COX7A2L: variants seen among roughly 807,000 people sequenced by gnomAD.
The protein encoded by COX7A2L is cytochrome c oxidase subunit 7A2-like, mitochondrial.
Under a neutral mutation model 14.2 loss-of-function variants are expected in COX7A2L, and 18 were observed. The ratio of observed to expected loss-of-function variants is 1.27; its 90% CI spans 0.88 to 1.88. The LOEUF (loss-of-function observed/expected upper bound fraction) is 1.88. COX7A2L is among the 40% of genes most tolerant of loss of function. The pLI is 0.00. For missense variants in COX7A2L, 179 were observed against 138.8 expected (o/e 1.29, Z -1.46); for synonymous variants, 65 against 57.4 (o/e 1.13, Z -0.60).
chr2:42,360,817 T>G, intron 1 of COX7A2L: 1 of 486,726 alleles, frequency 2.1e-6, no homozygotes, highest in Non-Finnish European at 3.7e-6. Context: ...ACCATCCCTT[T>G]TAGACAAGTG....
upstream of COX7A2L, among the ~76,000 whole-genome samples, chr2:42,365,268 T>C (rs1367403651): frequency 6.6e-6 from 1 of 152,186 alleles, no homozygotes; most frequent in Non-Finnish European, 1.5e-5. Context: ...CTCACATACA[T>C]CTGCAGTGTT....
At chr2:42,343,659 A>T (rs113037403) in intron 2 of COX7A2L, among the ~76,000 whole-genome samples, 2,769 of 152,336 alleles carry the variant, frequency 0.018, 46 homozygotes, top group Middle Eastern at 0.071. Context: ...AGAATTTCTC[A>T]GCAACCAATT....
intron 1 of COX7A2L, among the ~76,000 whole-genome samples, chr2:42,356,067 T>C (rs1054655577): frequency 1.3e-5 from 2 of 152,108 alleles, no homozygotes; most frequent in East Asian, 3.9e-4. Flanking sequence ...TCTTGCTTTG[T>C]CACTCAGGCT....
upstream of COX7A2L, among the ~76,000 whole-genome samples, chr2:42,362,715 T>C (rs748888510): frequency 2.2e-4 from 34 of 152,262 alleles, no homozygotes; most frequent in South Asian, 4.1e-4. Flanking sequence ...GCACCGCCAA[T>C]ATGTTGTAAA....
chr2:42,352,938 T>C, intron 2 of COX7A2L: 2 of 494,340 alleles, frequency 4.0e-6, no homozygotes, highest in Non-Finnish European at 7.0e-6. Flanking sequence ...CTATTGCTTC[T>C]TCCATGCAAT....
chr2:42,358,934 C>A (rs1006032452), intron 1 of COX7A2L, among the ~76,000 whole-genome samples: 1 of 152,106 alleles, frequency 6.6e-6, no homozygotes, highest in South Asian at 2.1e-4. Flanking sequence ...AGTTCGAGAT[C>A]AGGCTGTGCA....
intron 2 of COX7A2L, among the ~76,000 whole-genome samples, chr2:42,343,404 G>A (rs532438966): frequency 5.9e-5 from 9 of 152,260 alleles, no homozygotes; most frequent in South Asian, 2.1e-4. Context: ...GTGCTTCTGC[G>A]CACTAATTAA....
rs1302038913 is a variant in COX7A2L, at chr2:42,351,048, G to A, written c.*171C>T. The A allele has an allele frequency of 3.0e-6, 2 of 665,660 alleles. No individual in the cohort carries two copies. The highest frequency in any genetic ancestry group is 5.9e-5 in the East Asian group (2 of 34,186). 41.2% of individuals were successfully genotyped at this position (665,660 alleles called of 1,614,324 possible). A position where few individuals can be genotyped will look rare whatever the true frequency, so the allele number is the denominator to read the frequency against. The stretch of plus-strand genomic sequence containing the variant: ...TGGCTTTAACTGTCGAATGAGCTCT[G>A]ACAAGCCATATGCATTTCATAAACA... On this transcript the variant is annotated 3_prime_UTR_variant, in exon 3 of 3. Coordinates refer to ENST00000234301, the MANE Select transcript of COX7A2L (RefSeq NM_004718.4).
rs563282755 is a variant in COX7A2L, at chr2:42,351,436, T to A, written c.205-77A>T. 3.9e-6 allele frequency: 6 copies of A among 1,538,572 alleles called. No individual in the cohort carries two copies. The South Asian group carries it at 7.2e-5, about 19-fold the overall frequency. On this transcript the variant is annotated intron_variant, in intron 2 of 2. Coordinates refer to ENST00000234301, the MANE Select transcript of COX7A2L (RefSeq NM_004718.4). Reference sequence around the variant, plus strand: ...ATTTTACTCTTAAAAAATAACAAATTTGTCTACTCGGTAAGTAATTCATCA... The same window carrying A: ...ATTTTACTCTTAAAAAATAACAAATATGTCTACTCGGTAAGTAATTCATCA...
chr2:42,368,868 C>T (rs1671217327), exon 1 of COX7A2L: 1 of 152,208 alleles, frequency 6.6e-6, no homozygotes, highest in African/African-American at 2.4e-5. Flanking sequence ...TTAGACTTAC[C>T]AAGTCAATAA....
intron 2 of COX7A2L, among the ~76,000 whole-genome samples, chr2:42,336,455 C>T (rs923833935): frequency 1.3e-5 from 2 of 151,806 alleles, no homozygotes; most frequent in Non-Finnish European, 2.9e-5. Flanking sequence ...AGTGAGTGCC[C>T]GAAGAAAGGG....
chr2:42,346,534 T>G (rs1283608468), downstream of COX7A2L, among the ~76,000 whole-genome samples: 1 of 152,136 alleles, frequency 6.6e-6, no homozygotes, highest in East Asian at 1.9e-4. Context: ...TCCCAACACT[T>G]TGGGAGGCTA....
upstream of COX7A2L, among the ~76,000 whole-genome samples, chr2:42,364,812 G>A (rs1443925748): frequency 6.6e-6 from 1 of 152,192 alleles, no homozygotes; most frequent in Non-Finnish European, 1.5e-5. Context: ...TGGCAGCTGG[G>A]ATTGCAGTTG....
chr2:42,341,862 T>G (rs1325606984), intron 2 of COX7A2L, among the ~76,000 whole-genome samples: 1 of 152,240 alleles, frequency 6.6e-6, no homozygotes, highest in Non-Finnish European at 1.5e-5. Flanking sequence ...CTTTAATTAT[T>G]CAGTCAGAAT....
intron 1 of COX7A2L, among the ~76,000 whole-genome samples, chr2:42,355,950 T>C (rs2103899890): frequency 6.6e-6 from 1 of 152,284 alleles, no homozygotes; most frequent in Non-Finnish European, 1.5e-5. Context: ...GGTCTCGAAC[T>C]CCTGACCTCA....
intron 1 of COX7A2L, chr2:42,359,846 CG>C (rs1411314713): frequency 8.0e-6 from 1 of 125,756 alleles, no homozygotes; most frequent in Non-Finnish European, 1.7e-5. Context: ...CACTAACCCC[CG>C]AAAAAAAAAA....
At chr2:42,346,534 T>C (rs1283608468), downstream of COX7A2L, among the ~76,000 whole-genome samples, 1 of 152,136 alleles carries the variant, frequency 6.6e-6, no homozygotes, top group African/African-American at 2.4e-5. Flanking sequence ...TCCCAACACT[T>C]TGGGAGGCTA....
intron 1 of COX7A2L, among the ~76,000 whole-genome samples, chr2:42,367,628 G>C (rs1238861283): frequency 6.6e-6 from 1 of 152,276 alleles, no homozygotes; most frequent in Admixed American, 6.5e-5. Context: ...AAGTCAAGGG[G>C]CACTGGCCCT....
At chr2:42,340,490 C>T (rs1054829907) in intron 2 of COX7A2L, among the ~76,000 whole-genome samples, 10 of 152,162 alleles carry the variant, frequency 6.6e-5, no homozygotes, top group African/African-American at 2.2e-4. Context: ...TGGTTAGTCC[C>T]GACACACACC....
Sources: allele counts gnomAD v4.1 joint callset (sites outside exome capture counted in the v4.1 genomes callset), GRCh38; gene constraint gnomAD v4.1.1; transcripts MANE v1.5; gene names NCBI Gene and HGNC (gene_info 2026-07-23, HGNC 2026-07-21).